ENTPD5: variants seen among roughly 807,000 people sequenced by gnomAD.
The protein encoded by ENTPD5 is ectonucleoside triphosphate diphosphohydrolase 5 (inactive), also known as nucleoside diphosphate phosphatase ENTPD5.
ENTPD5 carries 49 observed loss-of-function variants against 60.2 expected under a neutral mutation model. The observed-to-expected ratio is 0.81, with a 90% confidence interval of 0.65 to 1.03. ENTPD5 has a LOEUF of 1.03. Among genes scored for constraint, ENTPD5 ranks in the 50% least tolerant of loss-of-function variants. The pLI, the probability that ENTPD5 is intolerant of heterozygous loss-of-function variation, is 0.00. For synonymous variants in ENTPD5, 187 were observed against 185.4 expected, an observed-to-expected ratio of 1.01 and a Z score of -0.07; for missense variants, 480 against 507.6, an observed-to-expected ratio of 0.95 and a Z score of 0.52.
intron 13 of ENTPD5, among the ~76,000 whole-genome samples, chr14:73,972,590 TG>T (rs1316652787): frequency 2.0e-5 from 3 of 152,156 alleles, no homozygotes; most frequent in African/African-American, 7.2e-5. Context: ...AATGTGCTGA[TG>T]GATTCATGGG....
rs762097203 is a variant in ENTPD5, at chr14:73,966,957, G to A, written c.1258C>T (p.Leu420=). The change falls in exon 16 of 16, where the codon CTG becomes TTG. Residue 420 remains leucine, a synonymous_variant. Transcript: ENST00000334696. ...TGWALGATFH[L]LQSLGISH ...TGGGAGATGCCCAGAGACTGCAACA[G>A]GTGAAAGGTGGCCCCCAAGGCCCAG... 32 of 1,614,196 alleles carry A rather than the reference G, an allele frequency of 2.0e-5. 1 individual carries two copies. In the East Asian group the frequency reaches 6.9e-4, roughly 35 times the overall value.
At chr14:74,007,573 C>T (rs1463624498) in intron 3 of ENTPD5, 4 of 151,736 alleles carry the variant, frequency 2.6e-5, no homozygotes, top group South Asian at 4.1e-4. Context: ...AGGGACAAGA[C>T]TGACAACTGG....
downstream of ENTPD5, chr14:73,958,421 C>G: frequency 6.6e-7 from 1 of 1,514,882 alleles, no homozygotes; most frequent in Non-Finnish European, 8.9e-7. Context: ...TTCAGGCCAG[C>G]TCAAGTGGAG....
chr14:74,016,598 T>C (rs1404134085), intron 1 of ENTPD5, among the ~76,000 whole-genome samples: 1 of 152,102 alleles, frequency 6.6e-6, no homozygotes, highest in African/African-American at 2.4e-5. Flanking sequence ...ATCCTGCCAC[T>C]GTACTCCAGC....
chr14:73,995,048 A>T (rs1217189499), intron 3 of ENTPD5, among the ~76,000 whole-genome samples: 1 of 144,524 alleles, frequency 6.9e-6, no homozygotes, highest in Admixed American at 6.9e-5. Flanking sequence ...GCCAGGCAGA[A>T]TTTTTTTTTT....
intron 3 of ENTPD5, among the ~76,000 whole-genome samples, chr14:73,990,075 C>T (rs2058072068): frequency 6.6e-6 from 1 of 151,864 alleles, no homozygotes; most frequent in Non-Finnish European, 1.5e-5. Flanking sequence ...GTCCCAGGTA[C>T]TTGGGAGGCT....
intron 11 of ENTPD5, among the ~76,000 whole-genome samples, chr14:73,974,682 C>A (rs1280880194): frequency 6.6e-6 from 1 of 152,224 alleles, no homozygotes; most frequent in African/African-American, 2.4e-5. Flanking sequence ...GCTGCCTAGA[C>A]ATAGGCTGTT....
intron 1 of ENTPD5, chr14:74,018,691 T>C (rs1407105258): frequency 6.6e-6 from 1 of 152,136 alleles, no homozygotes; most frequent in Non-Finnish European, 1.5e-5. Context: ...ACACAGGACC[T>C]AGTGAGGCCG....
chr14:73,960,644 C>G, downstream of ENTPD5: 1 of 1,006,158 alleles, frequency 9.9e-7, no homozygotes, highest in Non-Finnish European at 1.2e-6. Flanking sequence ...ATACTGAGAA[C>G]AGTCTCCGCT....
At chr14:74,009,041 T>C (rs556639411) in intron 3 of ENTPD5, 3 of 152,338 alleles carry the variant, frequency 2.0e-5, no homozygotes, top group African/African-American at 4.8e-5. Context: ...TTGGGTGTAA[T>C]AACAAAATGA....
intron 8 of ENTPD5, 79 bp downstream of exon 8, chr14:73,976,945 G>T: frequency 8.1e-7 from 1 of 1,237,738 alleles, no homozygotes; most frequent in Non-Finnish European, 1.2e-6. Flanking sequence ...AATACAGAAT[G>T]AAAGAAAAGG....
At chr14:73,961,908 G>C (rs774180928), downstream of ENTPD5, 4 of 1,614,010 alleles carry the variant, frequency 2.5e-6, no homozygotes, top group Non-Finnish European at 3.4e-6. Context: ...CTCAAAGTAA[G>C]AGGTTGCTCA....
At chr14:73,982,922 T>C in intron 6 of ENTPD5, 96 bp downstream of exon 6, 1 of 1,264,270 alleles carries the variant, frequency 7.9e-7, no homozygotes, top group Non-Finnish European at 1.1e-6. Context: ...GGTGGAATAC[T>C]GAAGGTAGTG....
intron 3 of ENTPD5, among the ~76,000 whole-genome samples, chr14:73,992,011 GTA>G (rs201264011): frequency 1.5e-5 from 2 of 132,452 alleles, no homozygotes; most frequent in Admixed American, 8.0e-5. Flanking sequence ...CAAAAAAAAA[GTA>G]TATATATATA....
intron 15 of ENTPD5, among the ~76,000 whole-genome samples, chr14:73,967,920 T>A (rs12432463): frequency 0.4 from 61,134 of 151,104 alleles, 13,376 homozygotes; most frequent in South Asian, 0.5. Context: ...AGATCAGAAG[T>A]TTGAGAATAG....
chr14:73,988,056 C>T lies in ENTPD5; in HGVS notation c.47G>A (p.Cys16Tyr). Residue 16 changes from cysteine (C) to tyrosine (Y), a missense_variant, in exon 4 of 16, where the codon TGT (cysteine) becomes TAT (tyrosine). By Grantham distance (194) the Cys-to-Tyr change is radical (BLOSUM62 -2). Transcript: ENST00000334696. ...CCTGTGGGAGACAGCGCTGCAAACA[C>T]AGGATACCACCAGCATGAAAAAGAC... The part of the protein sequence containing the change: ...GTVFFMLVVS[C>Y]VCSAVSHRNQ... 6.2e-7 allele frequency: 1 copy of T among 1,613,714 alleles called. No individual in the cohort carries two copies. Among genetic ancestry groups the T allele is most frequent in the South Asian group, 1.1e-5 (1 of 90,962 alleles).
rs550771237 is a variant in ENTPD5, at chr14:74,014,851, A to C, written c.-131+973T>G. Among the ~76,000 whole-genome samples, 5 of 152,280 alleles carry C rather than the reference A, an allele frequency of 3.3e-5. No individual in the cohort carries two copies. In the South Asian group the frequency reaches 1.0e-3, roughly 32 times the overall value. On this transcript the variant is annotated intron_variant, in intron 2 of 15. Transcript: ENST00000334696. ...TCTCAGCACTTTGGGAAGCCGAGGC[A>C]GGCAGATCACTTGAAGTGAGGAGTT...
intron 1 of ENTPD5, among the ~76,000 whole-genome samples, chr14:74,017,606 C>T (rs956246730): frequency 6.7e-6 from 1 of 149,816 alleles, no homozygotes; most frequent in Non-Finnish European, 1.5e-5. Flanking sequence ...ATTTTACAGC[C>T]GGGGGCGGTG....
chr14:73,980,038 C>A (rs1195885613), intron 6 of ENTPD5, among the ~76,000 whole-genome samples: 1 of 151,214 alleles, frequency 6.6e-6, no homozygotes, highest in Non-Finnish European at 1.5e-5. Context: ...CCTCTGCCTC[C>A]CAGGTTCAAG....
Sources: gnomAD v4.1 joint callset for allele counts (sites outside exome capture counted in the v4.1 genomes callset) on GRCh38, gnomAD v4.1.1 for gene constraint, MANE v1.5 for transcripts, NCBI Gene and HGNC (gene_info 2026-07-23, HGNC 2026-07-21) for gene names.